The following GAB2 variants were observed in gnomAD, a reference collection of about 807,000 sequenced individuals.
GAB2 encodes the protein GRB2 associated binding protein 2.
Under a neutral mutation model 65.5 loss-of-function variants are expected in GAB2, and 26 were observed. The ratio of observed to expected loss-of-function variants is 0.40; its 90% CI spans 0.29 to 0.55. GAB2 has a LOEUF of 0.55. Among genes scored for constraint, GAB2 ranks in the 20% least tolerant of loss-of-function variants. The probability of loss-of-function intolerance (pLI) is 0.53; values close to 1 mark genes in which losing one functional copy is unlikely to be tolerated. For synonymous variants in GAB2, 321 were observed against 329.6 expected (o/e 0.97, Z 0.28); for missense variants, 884 against 875.8 (o/e 1.01, Z -0.12).
intron 8 of GAB2, among the ~76,000 whole-genome samples, chr11:78,221,223 G>C (rs1366485800): frequency 2.0e-5 from 3 of 152,244 alleles, no homozygotes; most frequent in Non-Finnish European, 4.4e-5. Flanking sequence ...ACTACCAGGT[G>C]CTGGGCAGTT....
chr11:78,355,945 G>A (rs1406935679), intron 1 of GAB2, among the ~76,000 whole-genome samples: 1 of 151,944 alleles, frequency 6.6e-6, no homozygotes, highest in Non-Finnish European at 1.5e-5. Context: ...GGCCGAGGCA[G>A]GTGGATCACT....
At chr11:78,230,396 C>T (rs182988484) in intron 3 of GAB2, among the ~76,000 whole-genome samples, 1 of 152,368 alleles carries the variant, frequency 6.6e-6, no homozygotes, top group Admixed American at 6.5e-5. Flanking sequence ...TTCCTTGATA[C>T]ATCAACACCT....
intron 1 of GAB2, among the ~76,000 whole-genome samples, chr11:78,300,593 G>A (rs371084884): frequency 4.0e-5 from 6 of 149,474 alleles, no homozygotes; most frequent in South Asian, 2.1e-4. Flanking sequence ...TATCAACAAC[G>A]TATGAGAATT....
intron 1 of GAB2, among the ~76,000 whole-genome samples, chr11:78,283,312 C>T (rs866716656): frequency 6.6e-6 from 1 of 152,214 alleles, no homozygotes; most frequent in African/African-American, 2.4e-5. Context: ...TGAAGGCCAA[C>T]CTTTTTCCAT....
intron 1 of GAB2, among the ~76,000 whole-genome samples, chr11:78,331,111 G>A (rs978197555): frequency 2.0e-5 from 3 of 151,970 alleles, no homozygotes; most frequent in African/African-American, 7.2e-5. Flanking sequence ...GGAGGTGGAG[G>A]TTGCAGTCAG....
At chr11:78,313,609 A>G (rs1207294159) in intron 1 of GAB2, among the ~76,000 whole-genome samples, 1 of 152,212 alleles carries the variant, frequency 6.6e-6, no homozygotes, top group Non-Finnish European at 1.5e-5. Context: ...TGTTCAGGGT[A>G]CACCATGGAG....
At chr11:78,299,630 T>C (rs891601416) in intron 1 of GAB2, among the ~76,000 whole-genome samples, 4 of 152,232 alleles carry the variant, frequency 2.6e-5, no homozygotes, top group African/African-American at 9.6e-5. Context: ...ACTTGGCTTC[T>C]CTTCCCTGGT....
chr11:78,348,282 AG>A (rs1477787493), intron 1 of GAB2, among the ~76,000 whole-genome samples: 1 of 152,212 alleles, frequency 6.6e-6, no homozygotes, highest in African/African-American at 2.4e-5. Context: ...ATTTTGTTCA[AG>A]GATCAGTTGT....
chr11:78,262,640 C>A (rs549518911), intron 2 of GAB2, among the ~76,000 whole-genome samples: 12 of 152,276 alleles, frequency 7.9e-5, no homozygotes, highest in Admixed American at 7.2e-4. Context: ...CCGGGGGTCC[C>A]AATAATCTCC....
At chr11:78,268,250 T>C (rs1865918219) in intron 2 of GAB2, among the ~76,000 whole-genome samples, 1 of 152,196 alleles carries the variant, frequency 6.6e-6, no homozygotes, top group Non-Finnish European at 1.5e-5. Flanking sequence ...AGTTTACTGT[T>C]GAAGAAACTG....
chr11:78,327,182 C>T (rs2134671609), intron 1 of GAB2, among the ~76,000 whole-genome samples: 1 of 152,254 alleles, frequency 6.6e-6, no homozygotes, highest in East Asian at 1.9e-4. Flanking sequence ...CAATTTTAAT[C>T]CTCATGTCAT....
intron 1 of GAB2, among the ~76,000 whole-genome samples, chr11:78,356,183 A>AAAG (rs1565171634): frequency 1.3e-5 from 1 of 76,716 alleles, no homozygotes; most frequent in Non-Finnish European, 2.3e-5. Context: ...AAAAAAAAAG[A>AAAG]AAAAAAAAAA....
chr11:78,392,275 A>T (rs2135066118), intron 1 of GAB2: 1 of 152,084 alleles, frequency 6.6e-6, no homozygotes, highest in African/African-American at 2.4e-5. Context: ...AGAAAACTGT[A>T]TTTTCTTTGC....
At chr11:78,346,709 A>G (rs1332666112) in intron 1 of GAB2, among the ~76,000 whole-genome samples, 2 of 71,654 alleles carry the variant, frequency 2.8e-5, no homozygotes, top group Non-Finnish European at 5.2e-5. Context: ...ATATATATAT[A>G]TATATATATA....
chr11:78,345,595 G>A (rs1856167450), intron 1 of GAB2, among the ~76,000 whole-genome samples: 1 of 152,178 alleles, frequency 6.6e-6, no homozygotes, highest in Non-Finnish European at 1.5e-5. Flanking sequence ...GGTGGTCTCA[G>A]CACCATTAAA....
At chr11:78,283,589 C>T (rs1866388591) in intron 1 of GAB2, among the ~76,000 whole-genome samples, 1 of 152,078 alleles carries the variant, frequency 6.6e-6, no homozygotes, top group Admixed American at 6.6e-5. Context: ...GGCTATCCCC[C>T]ATCCCCCCAC....
chr11:78,401,149 C>T (rs191046851), intron 1 of GAB2, among the ~76,000 whole-genome samples: 1 of 151,816 alleles, frequency 6.6e-6, no homozygotes, highest in Admixed American at 6.6e-5. Context: ...GTACAGAATA[C>T]AAAATTTATC....
At position 78,236,072 on chromosome 11, in the gene GAB2, C is replaced by G. The variant is rs113871247; in HGVS notation, c.621-9021G>C. Among the ~76,000 whole-genome samples the G allele has an allele frequency of 8.6e-3, 1,306 of 152,290 alleles. 15 individuals carry two copies. Among genetic ancestry groups the G allele is most frequent in the African/African-American group, 0.029 (1,192 of 41,560 alleles). ...CTAAATAATAATAGGTCTTCTAGTTCATAACTACTGTACATCACTCTCCAT... is the reference window on the plus strand; with the variant it reads ...CTAAATAATAATAGGTCTTCTAGTTGATAACTACTGTACATCACTCTCCAT... On this transcript the variant is annotated intron_variant, in intron 3 of 9. Coordinates refer to ENST00000361507, the MANE Select transcript of GAB2 (RefSeq NM_080491.3).
At chr11:78,341,751 A>G (rs949962855) in intron 1 of GAB2, 10 of 986,148 alleles carry the variant, frequency 1.0e-5, no homozygotes, top group Non-Finnish European at 1.2e-5. Context: ...TTTGTTTCCC[A>G]AAACTCACCT....
Sources: gnomAD v4.1 joint callset for allele counts (sites outside exome capture counted in the v4.1 genomes callset) on GRCh38, gnomAD v4.1.1 for gene constraint, MANE v1.5 for transcripts, NCBI Gene and HGNC (gene_info 2026-07-23, HGNC 2026-07-21) for gene names.